Variants in CRHR1 observed in about 807,000 individuals in gnomAD.
CRHR1 encodes corticotropin releasing hormone receptor 1, also known as corticotropin-releasing hormone receptor 1.
Under a neutral mutation model 56.0 loss-of-function variants are expected in CRHR1, and 28 were observed. The observed-to-expected ratio is 0.50, with a 90% confidence interval of 0.37 to 0.69. CRHR1 has a LOEUF of 0.69. Among genes scored for constraint, CRHR1 ranks in the 30% least tolerant of loss-of-function variants. CRHR1 has a pLI of 0.00. For missense variants in CRHR1, 376 were observed against 548.0 expected, an observed-to-expected ratio of 0.69 and a Z score of 3.13; for synonymous variants, 195 against 216.5, an observed-to-expected ratio of 0.90 and a Z score of 0.87.
At position 45,784,661 on chromosome 17, in the gene CRHR1, G is replaced by T. The variant is rs559267077; in HGVS notation, c.33+84G>T. 172 of 1,351,208 alleles carry T rather than the reference G, an allele frequency of 1.3e-4. 2 individuals are homozygous for T. The highest frequency in any genetic ancestry group is 1.2e-3 in the South Asian group (79 of 66,074). 83.7% of individuals were successfully genotyped at this position (1,351,208 alleles called of 1,614,324 possible). ...GACGGGGCTGGGCTGTGGGTGTGAT[G>T]GGGGCGGGGGCGCTGGGAGAGCCGT... On this transcript the variant is annotated intron_variant, in intron 1 of 12. Transcript: ENST00000314537. The surrounding 1 kb of genome is among the most constrained non-coding windows in gnomAD (Gnocchi z 4.2).
Position 45,833,794 on chromosome 17 carries a change from A to C in CRHR1, c.1010A>C (p.Asp337Ala). 6.3e-7 allele frequency: 1 copy of C among 1,599,444 alleles called. No homozygotes were observed. The highest frequency in any genetic ancestry group is 8.5e-7 in the Non-Finnish European group (1 of 1,173,178). Residue 337 changes from aspartate to alanine, a missense_variant, in exon 11 of 13, where the codon GAT (aspartate) becomes GCT (alanine). Transcript: ENST00000314537. The stretch of plus-strand genomic sequence containing the variant: ...CTGTTCTTCGTCAATCCCGGGGAGG[A>C]TGAGGTCTCCCGGGTCGTCTTCATC... ...YMLFFVNPGEDEVSRVVFIYF... is the reference protein window; with the variant it reads ...YMLFFVNPGEAEVSRVVFIYF...
chr17:45,818,159 G>A (rs572519776), intron 3 of CRHR1, among the ~76,000 whole-genome samples: 73 of 152,240 alleles, frequency 4.8e-4, no homozygotes, highest in Non-Finnish European at 9.7e-4. Flanking sequence ...ACTCCCCAGC[G>A]CCACCGCCCA....
chr17:45,811,290 A>G (rs1398461329), intron 2 of CRHR1, among the ~76,000 whole-genome samples: 3 of 152,252 alleles, frequency 2.0e-5, no homozygotes, highest in African/African-American at 7.2e-5. Flanking sequence ...TCACTAAAGC[A>G]GCCCTCCCAG....
chr17:45,784,400 G>A lies in CRHR1; in HGVS notation c.-145G>A. 1.8e-6 allele frequency: 1 copy of A among 568,352 alleles called. No homozygotes were observed. The highest frequency in any genetic ancestry group is 2.6e-6 in the Non-Finnish European group (1 of 383,126). The allele number at this position is 568,352 out of a possible 1,614,324, so 35.2% of individuals were successfully genotyped here. Reference sequence around the variant, plus strand: ...GGGCCGGGCCGCGGGGCCGGGAAGCGCCGAGCCGGGCATCTCCTCACCAGG... The same window carrying A: ...GGGCCGGGCCGCGGGGCCGGGAAGCACCGAGCCGGGCATCTCCTCACCAGG... On this transcript the variant is annotated 5_prime_UTR_variant, in exon 1 of 13. Coordinates refer to ENST00000314537, the MANE Select transcript of CRHR1 (RefSeq NM_004382.5). This position sits in a 1 kb window ranked among gnomAD's most constrained non-coding sequence, Gnocchi z 4.2.
intron 2 of CRHR1, among the ~76,000 whole-genome samples, chr17:45,810,633 C>G (rs2061804624): frequency 6.6e-6 from 1 of 152,154 alleles, no homozygotes; most frequent in Non-Finnish European, 1.5e-5. Flanking sequence ...CGTACCCACA[C>G]TAGGTTTGCA....
intron 3 of CRHR1, among the ~76,000 whole-genome samples, chr17:45,821,121 T>G (rs2062030266): frequency 6.6e-6 from 1 of 152,114 alleles, no homozygotes; most frequent in Non-Finnish European, 1.5e-5. Flanking sequence ...CATGCCAGCT[T>G]GAGTGGGCAG....
chr17:45,830,066 C>A (rs1169083866), intron 5 of CRHR1, 28 bp from the exon 6 acceptor site: 1 of 1,613,734 alleles, frequency 6.2e-7, no homozygotes, highest in South Asian at 1.1e-5. Context: ...CCTATCGCTC[C>A]CATCATCCAC....
At chr17:45,834,155 C>A in intron 12 of CRHR1, 107 bp downstream of exon 12, 1 of 1,406,658 alleles carries the variant, frequency 7.1e-7, no homozygotes, top group Non-Finnish European at 1.0e-6. Flanking sequence ...TCTCTCCCTC[C>A]CTGCTCCTAG....
chr17:45,785,145 G>T (rs1254323176), intron 1 of CRHR1, among the ~76,000 whole-genome samples: 1 of 152,220 alleles, frequency 6.6e-6, no homozygotes, highest in Non-Finnish European at 1.5e-5. Context: ...TGCCTCTGGC[G>T]GCAGTTCCTG....
chr17:45,820,083 A>T (rs62057113), intron 3 of CRHR1, among the ~76,000 whole-genome samples: 21,817 of 152,046 alleles, frequency 0.14, 2,138 homozygotes, highest in Middle Eastern at 0.22. Context: ...GTTCTGCCCC[A>T]TGGGGCTCCA....
Position 45,819,940 on chromosome 17 carries a change from G to C in CRHR1, c.242-1415G>C, listed in dbSNP as rs371656727. ...TGCTGCCAGCAGAGGCAGCTCCCAG[G>C]CTGGATGGTCCCTTGGGGATCAGCC... is the stretch of plus-strand genomic sequence containing the variant. On this transcript the variant is annotated intron_variant, in intron 3 of 12. Coordinates refer to ENST00000314537, the MANE Select transcript of CRHR1 (RefSeq NM_004382.5). Among the ~76,000 whole-genome samples the C allele has an allele frequency of 2.2e-3, 339 of 152,324 alleles. 15 individuals carry two copies. The South Asian group carries it at 0.066, about 30-fold the overall frequency.
intron 4 of CRHR1, among the ~76,000 whole-genome samples, chr17:45,824,373 C>A (rs888520916): frequency 1.3e-5 from 2 of 152,230 alleles, no homozygotes; most frequent in Non-Finnish European, 2.9e-5. Context: ...TCTGTCCCAG[C>A]TTCACGCCCT....
intron 10 of CRHR1, 21 bp from the exon 11 acceptor site, chr17:45,833,693 T>TGGCCCCCC: frequency 6.4e-7 from 1 of 1,571,604 alleles, no homozygotes; most frequent in Non-Finnish European, 8.7e-7. Flanking sequence ...ACTCCGAGCC[T>TGGCCCCCC]CCCCACCCGC....
intron 1 of CRHR1, among the ~76,000 whole-genome samples, chr17:45,804,532 A>G (rs1414362648): frequency 6.6e-6 from 1 of 151,768 alleles, no homozygotes; most frequent in African/African-American, 2.4e-5. Context: ...GTACCGTGAA[A>G]GGGGGTGGCC....
chr17:45,799,359 G>C (rs1455626542), intron 1 of CRHR1: 6 of 152,242 alleles, frequency 3.9e-5, no homozygotes, highest in Non-Finnish European at 8.8e-5. Flanking sequence ...CTGAAGAGTT[G>C]ATTGCACTGA....
intron 2 of CRHR1, among the ~76,000 whole-genome samples, chr17:45,815,381 C>A (rs1482727007): frequency 2.6e-5 from 4 of 152,218 alleles, no homozygotes; most frequent in African/African-American, 9.6e-5. Flanking sequence ...CCTGAAGTGT[C>A]ACTGGGCCTC....
At chr17:45,834,570 G>A in intron 12 of CRHR1, 54 bp from the exon 13 acceptor site, 1 of 1,555,466 alleles carries the variant, frequency 6.4e-7, no homozygotes, top group East Asian at 2.3e-5. Flanking sequence ...CCCAGGGGAG[G>A]GAGGGGGTCC....
intron 1 of CRHR1, among the ~76,000 whole-genome samples, chr17:45,799,196 C>A (rs2061575555): frequency 6.6e-6 from 1 of 152,244 alleles, no homozygotes; most frequent in South Asian, 2.1e-4. Context: ...TGGTACACAT[C>A]TTGCAAGTCT....
chr17:45,790,197 C>T (rs2061402905), intron 1 of CRHR1, among the ~76,000 whole-genome samples: 1 of 152,160 alleles, frequency 6.6e-6, no homozygotes, highest in Non-Finnish European at 1.5e-5. Flanking sequence ...TATGGAAAAA[C>T]CTGACAGTAA....
Sources: gnomAD v4.1 joint callset for allele counts (sites outside exome capture counted in the v4.1 genomes callset) on GRCh38, gnomAD v4.1.1 for gene constraint, Gnocchi (gnomAD v3.1) non-coding constraint, MANE v1.5 for transcripts, NCBI Gene and HGNC (gene_info 2026-07-23, HGNC 2026-07-21) for gene names.